The following TENT4B variants were observed in gnomAD, a reference collection of about 807,000 sequenced individuals.
The protein encoded by TENT4B is terminal nucleotidyltransferase 4B.
A neutral mutation model predicts 75.0 loss-of-function variants in TENT4B; 10 were observed. That is an observed-to-expected ratio of 0.13 (90% CI 0.08 to 0.23). TENT4B has a LOEUF of 0.23. Among genes scored for constraint, TENT4B ranks in the 10% least tolerant of loss-of-function variants. TENT4B has a pLI of 1.00. For missense variants in TENT4B, 579 were observed against 893.8 expected, an observed-to-expected ratio of 0.65 and a Z score of 4.49; for synonymous variants, 350 against 357.7, an observed-to-expected ratio of 0.98 and a Z score of 0.24.
At chr16:50,226,549 C>T (rs984936284) in intron 10 of TENT4B, among the ~76,000 whole-genome samples, 1 of 152,136 alleles carries the variant, frequency 6.6e-6, no homozygotes, top group African/African-American at 2.4e-5. Flanking sequence ...CTGCCTCAGC[C>T]TCCCAAGTAG....
chr16:50,212,743 C>T (rs1459179560), intron 2 of TENT4B, among the ~76,000 whole-genome samples: 1 of 152,098 alleles, frequency 6.6e-6, no homozygotes, highest in African/African-American at 2.4e-5. Context: ...TGGCAATGTC[C>T]GAGACATATT....
intron 6 of TENT4B, 148 bp downstream of exon 6, chr16:50,222,582 A>G: frequency 1.2e-6 from 1 of 807,472 alleles, no homozygotes; most frequent in Non-Finnish European, 1.9e-6. Context: ...AACTGGGTAC[A>G]TTTTATCATT....
intron 1 of TENT4B, among the ~76,000 whole-genome samples, chr16:50,207,664 A>G (rs2031057576): frequency 6.6e-6 from 1 of 152,204 alleles, no homozygotes; most frequent in South Asian, 2.1e-4. Flanking sequence ...TCATCCAGCA[A>G]TACCTACTCA....
intron 1 of TENT4B, among the ~76,000 whole-genome samples, chr16:50,195,348 A>G (rs905380731): frequency 1.3e-5 from 2 of 152,222 alleles, no homozygotes; most frequent in Non-Finnish European, 2.9e-5. Flanking sequence ...TTGAAAGCCT[A>G]GCATTGAAAG....
intron 8 of TENT4B, 30 bp downstream of exon 8, chr16:50,224,813 T>A: frequency 1.9e-6 from 3 of 1,613,098 alleles, no homozygotes; most frequent in Non-Finnish European, 2.5e-6. Flanking sequence ...CAGCCCATTG[T>A]GTCAAAATTA....
chr16:50,193,504 A>G, intron 1 of TENT4B, among the ~76,000 whole-genome samples: 1 of 151,540 alleles, frequency 6.6e-6, no homozygotes, highest in East Asian at 1.9e-4. Flanking sequence ...CGCCCGGCCA[A>G]TTTTTTTCTA....
intron 3 of TENT4B, 42 bp from the exon 4 acceptor site, chr16:50,216,033 C>G: frequency 1.2e-6 from 2 of 1,609,654 alleles, no homozygotes; most frequent in African/African-American, 2.7e-5. Context: ...AAACAAGTTT[C>G]CAACTTCTTC....
In TENT4B at chr16:50,153,617, G is replaced by T. The variant is rs1444354511; in HGVS notation, c.-5G>T. 1 of 1,002,256 alleles carries T rather than the reference G, an allele frequency of 1.0e-6. No individual in the cohort carries two copies. Among genetic ancestry groups the T allele is most frequent in the Non-Finnish European group, 1.2e-6 (1 of 843,384 alleles). 62.1% of individuals were successfully genotyped at this position (1,002,256 alleles called of 1,614,324 possible). ...AGGGGCGGGGGCAGCGGCCGCCGCCGTTTGATGGATCCGAGGATCGCCTGG... is the reference window on the plus strand; with the variant it reads ...AGGGGCGGGGGCAGCGGCCGCCGCCTTTTGATGGATCCGAGGATCGCCTGG... On this transcript the variant is annotated 5_prime_UTR_variant, in exon 1 of 12. Coordinates refer to ENST00000561678, the MANE Select transcript of TENT4B (RefSeq NM_001365324.3).
chr16:50,222,167 C>G, intron 5 of TENT4B, 139 bp from the exon 6 acceptor site: 1 of 758,596 alleles, frequency 1.3e-6, no homozygotes, highest in Non-Finnish European at 2.0e-6. Flanking sequence ...TTTTTAATAG[C>G]TTACTCTTAA....
At chr16:50,174,902 C>A (rs1429164237) in intron 1 of TENT4B, among the ~76,000 whole-genome samples, 1 of 151,972 alleles carries the variant, frequency 6.6e-6, no homozygotes, top group Admixed American at 6.6e-5. Context: ...GCTACCACAC[C>A]CGACTAATTT....
chr16:50,207,184 A>T (rs906011538), intron 1 of TENT4B, among the ~76,000 whole-genome samples: 9 of 151,030 alleles, frequency 6.0e-5, no homozygotes, highest in South Asian at 2.1e-4. Context: ...TTTTTTAAAA[A>T]TTTTTTTATT....
intron 1 of TENT4B, among the ~76,000 whole-genome samples, chr16:50,178,828 ATGT>A (rs1374317049): frequency 6.6e-6 from 1 of 152,166 alleles, no homozygotes; most frequent in Non-Finnish European, 1.5e-5. Context: ...TGAGGAATTC[ATGT>A]TTAATGGGTA....
At chr16:50,183,459 T>G (rs1044232210) in intron 1 of TENT4B, among the ~76,000 whole-genome samples, 4 of 152,158 alleles carry the variant, frequency 2.6e-5, no homozygotes, top group Non-Finnish European at 4.4e-5. Context: ...TGTCATACTT[T>G]GAAGGTTCAT....
In TENT4B at chr16:50,231,083, A is replaced by C. The variant is rs1049896788; in HGVS notation, c.*1755A>C. On this transcript the variant is annotated 3_prime_UTR_variant, in exon 12 of 12. Coordinates refer to ENST00000561678, the MANE Select transcript of TENT4B (RefSeq NM_001365324.3). ...ACTGATGTCATCACTGAAATTAACA[A>C]TTTTCAATATGTTCATATTTTAATT... 1.0e-5 allele frequency: 10 copies of C among 983,792 alleles called. No homozygotes were observed. In the African/African-American group the frequency reaches 1.7e-4, roughly 17 times the overall value. 60.9% of individuals were successfully genotyped at this position (983,792 alleles called of 1,614,324 possible).
chr16:50,221,334 T>C (rs2031817822), intron 5 of TENT4B, among the ~76,000 whole-genome samples: 3 of 152,250 alleles, frequency 2.0e-5, no homozygotes, highest in African/African-American at 7.2e-5. Context: ...GCCTGCTTTG[T>C]TTCCCTCCGT....
intron 1 of TENT4B, among the ~76,000 whole-genome samples, chr16:50,175,761 C>T (rs1378406326): frequency 1.3e-5 from 2 of 152,010 alleles, no homozygotes; most frequent in South Asian, 2.1e-4. Context: ...TGAGCCACCA[C>T]GTCCGGCCAG....
At chr16:50,213,816 TGGTATTATA>T (rs1350214785) in intron 2 of TENT4B, among the ~76,000 whole-genome samples, 19 of 152,208 alleles carry the variant, frequency 1.2e-4, no homozygotes, top group African/African-American at 4.1e-4. Flanking sequence ...ACATCATACT[TGGTATTATA>T]GGTATTATAA....
intron 4 of TENT4B, 141 bp from the exon 5 acceptor site, chr16:50,217,415 G>C: frequency 1.8e-6 from 1 of 551,990 alleles, no homozygotes; most frequent in Non-Finnish European, 3.2e-6. Flanking sequence ...AGGTTTACTG[G>C]GGTGTGCCAT....
At chr16:50,170,282 G>C (rs183588050) in intron 1 of TENT4B, among the ~76,000 whole-genome samples, 295 of 151,956 alleles carry the variant, frequency 1.9e-3, no homozygotes, top group Middle Eastern at 6.8e-3. Flanking sequence ...GTCTCCCAAA[G>C]TGCTGGGATT....
Sources: allele counts gnomAD v4.1 joint callset (sites outside exome capture counted in the v4.1 genomes callset), GRCh38; gene constraint gnomAD v4.1.1; transcripts MANE v1.5; gene names NCBI Gene and HGNC (gene_info 2026-07-23, HGNC 2026-07-21).